The following KIF3A variants were observed in gnomAD, a reference collection of about 807,000 sequenced individuals.
KIF3A encodes the protein kinesin family member 3A, also known as kinesin-like protein KIF3A.
KIF3A carries 27 observed loss-of-function variants against 92.6 expected under a neutral mutation model. The observed-to-expected ratio is 0.29, with a 90% CI of 0.21 to 0.40. The LOEUF is 0.40. KIF3A is among the 10% of genes least tolerant of loss of function. KIF3A has a pLI of 1.00. For missense variants in KIF3A, 581 were observed against 872.6 expected, an observed-to-expected ratio of 0.67 and a Z score of 4.21; for synonymous variants, 250 against 275.4, an observed-to-expected ratio of 0.91 and a Z score of 0.92.
chr5:132,700,557 C>T, intron 16 of KIF3A, 90 bp downstream of exon 16: 1 of 841,508 alleles, frequency 1.2e-6, no homozygotes, highest in Middle Eastern at 2.2e-4. Context: ...ATCTACTGGA[C>T]CATGTTCCTC....
intron 2 of KIF3A, among the ~76,000 whole-genome samples, chr5:132,728,601 G>A (rs897845825): frequency 7.9e-5 from 12 of 151,954 alleles, no homozygotes; most frequent in Admixed American, 2.0e-4. Flanking sequence ...GCTGGGTGTG[G>A]TGGCACATGC....
In KIF3A at chr5:132,726,224, C is replaced by T; in HGVS notation, c.426-12G>A. The T allele has an allele frequency of 6.3e-7, 1 of 1,596,718 alleles. No individual in the cohort carries two copies. The highest frequency in any genetic ancestry group is 8.5e-7 in the Non-Finnish European group (1 of 1,171,050). The stretch of plus-strand genomic sequence containing the variant: ...CTCGAACCAAAAATCTATAAAACAT[C>T]ATTTTTAAAAAGTCAAAGAGTGAAA... On this transcript the variant is annotated splice_polypyrimidine_tract_variant and intron_variant, in intron 3 of 18. Coordinates refer to ENST00000403231, the MANE Select transcript of KIF3A (RefSeq NM_001300791.2).
At chr5:132,691,962 TAAAATAAAATAAAATAA>T (rs1333508359), downstream of KIF3A, among the ~76,000 whole-genome samples, 7 of 149,424 alleles carry the variant, frequency 4.7e-5, no homozygotes, top group South Asian at 2.1e-4. Context: ...AAATAAAATT[TAAAATAAAATAAAATAA>T]AATTTAATTA....
chr5:132,712,059 G>C (rs912921414), intron 8 of KIF3A, among the ~76,000 whole-genome samples: 2 of 152,172 alleles, frequency 1.3e-5, no homozygotes, highest in Non-Finnish European at 2.9e-5. Context: ...AATTGTACCT[G>C]TAAGTACAAG....
chr5:132,700,201 T>C lies in KIF3A; in HGVS notation c.2007+15A>G, dbSNP rs765513368. Reference sequence around the variant, plus strand: ...AGTTTTGTGTTTTGTTTTGTTTTTTTTTAAGTACTCTTACATCTTTCTCCT... The same window carrying C: ...AGTTTTGTGTTTTGTTTTGTTTTTTCTTAAGTACTCTTACATCTTTCTCCT... On this transcript the variant is annotated intron_variant, in intron 17 of 18. Coordinates refer to ENST00000403231, the MANE Select transcript of KIF3A (RefSeq NM_001300791.2). The C allele has an allele frequency of 6.8e-6, 10 of 1,463,274 alleles. No homozygotes were observed. The highest frequency in any genetic ancestry group is 9.4e-6 in the Non-Finnish European group (10 of 1,062,798). The allele number at this position is 1,463,274 out of a possible 1,614,324, so 90.6% of individuals were successfully genotyped here. A position where few individuals can be genotyped will look rare whatever the true frequency, so the allele number is the denominator to read the frequency against.
chr5:132,734,605 G>A lies in KIF3A; in HGVS notation c.7-127C>T, dbSNP rs1006335982. 27 of 707,600 alleles carry A rather than the reference G, an allele frequency of 3.8e-5. No homozygotes were observed. The African/African-American group carries it at 4.5e-4, about 12-fold the overall frequency. 43.8% of individuals were successfully genotyped at this position (707,600 alleles called of 1,614,324 possible). ...CTTGCACACATTAAACACTTCACAGGTATTTGTTAAATGCAATTAAAGATC... is the reference window on the plus strand; with the variant it reads ...CTTGCACACATTAAACACTTCACAGATATTTGTTAAATGCAATTAAAGATC... On this transcript the variant is annotated intron_variant, in intron 1 of 18. Transcript: ENST00000403231.
chr5:132,696,804 C>T, intron 18 of KIF3A, 122 bp from the exon 19 acceptor site: 2 of 668,390 alleles, frequency 3.0e-6, no homozygotes, highest in Non-Finnish European at 5.3e-6. Flanking sequence ...CAAAATTTGA[C>T]ACGTTTGACC....
intron 11 of KIF3A, among the ~76,000 whole-genome samples, chr5:132,704,101 T>C (rs542290416): frequency 6.6e-6 from 1 of 152,038 alleles, no homozygotes; most frequent in South Asian, 2.1e-4. Flanking sequence ...AATGCACAGA[T>C]GAAAATATCA....
Position 132,703,554 on chromosome 5 carries a change from C to T in KIF3A, c.1375G>A (p.Ala459Thr), listed in dbSNP as rs756676830. ...MQAKIDEERK[A>T]LETKLDMEEE... is the part of the protein sequence containing the mutation. ...TCCATGTCGAGCTTTGTTTCAAGTGCTTTTCTCTCCTCATCAATTTTTGCT... is the reference window on the plus strand; with the variant it reads ...TCCATGTCGAGCTTTGTTTCAAGTGTTTTTCTCTCCTCATCAATTTTTGCT... Residue 459 changes from alanine to threonine, a missense_variant, in exon 12 of 19, where the codon GCA (alanine) becomes ACA (threonine). By Grantham distance (58) the Ala-to-Thr change is moderately conservative (BLOSUM62 0). Transcript: ENST00000403231. The T allele has an allele frequency of 1.9e-6, 3 of 1,612,132 alleles. No homozygotes were observed. The highest frequency in any genetic ancestry group is 1.7e-5 in the Admixed American group (1 of 59,924).
intron 8 of KIF3A, among the ~76,000 whole-genome samples, chr5:132,711,660 T>TA (rs1274854436): frequency 3.3e-5 from 5 of 152,010 alleles, no homozygotes; most frequent in Non-Finnish European, 7.4e-5. Flanking sequence ...AATTATGTGG[T>TA]AGAGTTACTA....
Position 132,700,203 on chromosome 5 carries a change from TA to T in KIF3A, c.2007+12del, listed in dbSNP as rs745742966. The T allele has an allele frequency of 6.8e-7, 1 of 1,470,530 alleles. No homozygotes were observed. Among genetic ancestry groups the T allele is most frequent in the Non-Finnish European group, 9.4e-7 (1 of 1,068,608 alleles). The allele number at this position is 1,470,530 out of a possible 1,614,324, so 91.1% of individuals were successfully genotyped here. A position where few individuals can be genotyped will look rare whatever the true frequency, so the allele number is the denominator to read the frequency against. On this transcript the variant is annotated intron_variant, in intron 17 of 18. Coordinates refer to ENST00000403231, the MANE Select transcript of KIF3A (RefSeq NM_001300791.2). The stretch of plus-strand genomic sequence containing the variant: ...TTTTGTGTTTTGTTTTGTTTTTTTT[TA>T]AGTACTCTTACATCTTTCTCCTTTT...
chr5:132,723,155 C>A (rs988266187), intron 4 of KIF3A: 3 of 152,088 alleles, frequency 2.0e-5, no homozygotes, highest in African/African-American at 7.2e-5. Flanking sequence ...AAAGAGGACA[C>A]AAACAAATGG....
In KIF3A at chr5:132,699,211, G is replaced by A. The variant is rs1438885251; in HGVS notation, c.2092C>T (p.Arg698Ter). 1.9e-6 allele frequency: 3 copies of A among 1,613,818 alleles called. No homozygotes were observed. Among genetic ancestry groups the A allele is most frequent in the East Asian group, 2.2e-5 (1 of 44,868 alleles). ...RQSLMKLERP[R>*]TSKGKARPKT... ...GGCCTTGCTTTCCCCTTTGAAGTTC[G>A]TGGTCTTTCTAGTTTCATCAAAGAC... Residue 698 changes from arginine to a stop codon, truncating the protein, a stop_gained, in exon 18 of 19, where the codon CGA (arginine) becomes TGA (stop). Transcript: ENST00000403231. LOFTEE classifies it high-confidence loss of function.
chr5:132,733,198 G>T (rs548290813), intron 2 of KIF3A, among the ~76,000 whole-genome samples: 1 of 152,104 alleles, frequency 6.6e-6, no homozygotes, highest in African/African-American at 2.4e-5. Context: ...AACAGACAGC[G>T]GTGACAGCTG....
downstream of KIF3A, among the ~76,000 whole-genome samples, chr5:132,691,169 T>C (rs1470144412): frequency 2.6e-5 from 4 of 152,234 alleles, no homozygotes; most frequent in Non-Finnish European, 5.9e-5. Context: ...GAATACATTC[T>C]ACATACACAC....
In KIF3A at chr5:132,696,025, T is replaced by A. The variant is rs970244791; in HGVS notation, c.*609A>T. On this transcript the variant is annotated 3_prime_UTR_variant, in exon 19 of 19. Transcript: ENST00000403231. ...GTTCAGATGAAACATTTTCAACTTG[T>A]TAAAAAACATGTATACTCGCAAAGA... The A allele has an allele frequency of 1.3e-5, 2 of 152,680 alleles. No individual in the cohort carries two copies. The highest frequency in any genetic ancestry group is 2.9e-5 in the Non-Finnish European group (2 of 68,038). 9.5% of individuals were successfully genotyped at this position (152,680 alleles called of 1,614,324 possible). A position where few individuals can be genotyped will look rare whatever the true frequency, so the allele number is the denominator to read the frequency against.
At chr5:132,726,039 C>G in intron 4 of KIF3A, 89 bp downstream of exon 4, 1 of 884,698 alleles carries the variant, frequency 1.1e-6, no homozygotes, top group South Asian at 1.8e-5. Flanking sequence ...TAAAAAGCAA[C>G]TTTTGTTTAA....
At chr5:132,710,154 G>T (rs1753366112) in intron 9 of KIF3A, among the ~76,000 whole-genome samples, 1 of 151,984 alleles carries the variant, frequency 6.6e-6, no homozygotes, top group Non-Finnish European at 1.5e-5. Context: ...TTCACACGTG[G>T]CAACAAATCC....
At chr5:132,727,119 T>G (rs1754059009) in intron 2 of KIF3A, among the ~76,000 whole-genome samples, 1 of 152,244 alleles carries the variant, frequency 6.6e-6, no homozygotes, top group African/African-American at 2.4e-5. Context: ...AAGTAACAGC[T>G]GTAAGAAACA....
Sources: gnomAD v4.1 joint callset for allele counts (sites outside exome capture counted in the v4.1 genomes callset) on GRCh38, gnomAD v4.1.1 for gene constraint, MANE v1.5 for transcripts, NCBI Gene and HGNC (gene_info 2026-07-23, HGNC 2026-07-21) for gene names.